The following AATK variants were observed in gnomAD, a reference collection of about 807,000 sequenced individuals.
AATK encodes lemur tail kinase 1.
In AATK, 91 loss-of-function variants were observed where a neutral mutation model predicts 114.3. The observed-to-expected ratio is 0.80, with a 90% CI of 0.67 to 0.95. The LOEUF is 0.95. AATK is among the 40% of genes least tolerant of loss of function. The pLI, the probability that AATK is intolerant of heterozygous loss-of-function variation, is 0.00. For missense variants in AATK, 2,176 were observed against 1,965.2 expected (o/e 1.11, Z -2.03); for synonymous variants, 1,075 against 916.5 (o/e 1.17, Z -3.12).
chr17:81,136,090 C>G (rs2061005386), intron 1 of AATK: 1 of 152,574 alleles, frequency 6.6e-6, no homozygotes, highest in Non-Finnish European at 1.5e-5. Context: ...GCCCCGCCCT[C>G]CAAAGCAGCC....
chr17:81,160,864 G>A (rs1047961304), intron 1 of AATK, among the ~76,000 whole-genome samples: 1 of 152,182 alleles, frequency 6.6e-6, no homozygotes, highest in Non-Finnish European at 1.5e-5. Flanking sequence ...CAGGCTCACC[G>A]CCGACACCAC....
In AATK at chr17:81,127,627, CGCACTGGGCCAG is replaced by C; in HGVS notation, c.565_576del (p.Leu189_Cys192del). 1.2e-6 allele frequency: 2 copies of C among 1,601,266 alleles called. No homozygotes were observed. Among genetic ancestry groups the C allele is most frequent in the Non-Finnish European group, 1.7e-6 (2 of 1,174,542 alleles). On this transcript the variant is annotated inframe_deletion, in exon 6 of 14. Transcript: ENST00000326724. Reference sequence around the variant, plus strand: ...ACCAGCAGGTAGGGCGTCACCTCGGCGCACTGGGCCAGGCACTGGAGCAGGTTGCTGTGCTTC... The same window carrying C: ...ACCAGCAGGTAGGGCGTCACCTCGGCGCACTGGAGCAGGTTGCTGTGCTTC...
In AATK at chr17:81,150,356, TC is replaced by T. The variant is rs1297193930; in HGVS notation, c.55+15581del. Among the ~76,000 whole-genome samples the T allele has an allele frequency of 3.8e-4, 56 of 147,400 alleles. 1 individual carries two copies. Among genetic ancestry groups the T allele is most frequent in the Middle Eastern group, 3.4e-3 (1 of 294 alleles). On this transcript the variant is annotated intron_variant, in intron 1 of 13. Coordinates refer to ENST00000326724, the MANE Select transcript of AATK (RefSeq NM_001080395.3). ...GCGCCCCACTCCCACATTCTAGTGC[TC>T]CCCCCCAATCCTAGGACTCCCCCAT...
At chr17:81,138,822 G>A (rs1016038511) in intron 1 of AATK, among the ~76,000 whole-genome samples, 2 of 138,340 alleles carry the variant, frequency 1.4e-5, no homozygotes, top group African/African-American at 5.5e-5. Flanking sequence ...GCACACCCAC[G>A]TGAGCGCACA....
rs763434510 is a variant in AATK at position 81,134,458 on chromosome 17, G to A, written c.99C>T (p.Ala33=). 3.0e-5 allele frequency: 49 copies of A among 1,613,002 alleles called. No individual in the cohort carries two copies. The highest frequency in any genetic ancestry group is 4.4e-5 in the South Asian group (4 of 91,058). Residue 33 remains alanine, a synonymous_variant, in exon 2 of 14, where the codon GCC becomes GCT. Transcript: ENST00000326724. The part of the protein sequence containing the change: ...LSELSWPSSL[A]VVAVSFSGLF... ...GCCCGGAGAAAGACACAGCCACCAC[G>A]GCGAGGGAGGATGGCCAGGACAGCT...
At chr17:81,124,207 G>A (rs1234158840) in intron 9 of AATK, among the ~76,000 whole-genome samples, 1 of 152,120 alleles carries the variant, frequency 6.6e-6, no homozygotes, top group East Asian at 1.9e-4. Context: ...AGGCAGGGAG[G>A]GGCGCCCACC....
chr17:81,138,110 GCA>G (rs1167785627), intron 1 of AATK, among the ~76,000 whole-genome samples: 20 of 143,662 alleles, frequency 1.4e-4, no homozygotes, highest in East Asian at 6.3e-4. Context: ...ACATACGTGT[GCA>G]CACAGACATA....
At position 81,166,054 on chromosome 17, in the gene AATK, CG is replaced by C; in HGVS notation, c.-63del. The C allele has an allele frequency of 8.4e-7, 1 of 1,190,332 alleles. No homozygotes were observed. Among genetic ancestry groups the C allele is most frequent in the Non-Finnish European group, 1.1e-6 (1 of 944,020 alleles). 73.7% of individuals were successfully genotyped at this position (1,190,332 alleles called of 1,614,324 possible). ...GCTGCGCTCAGGACGCCCGCGGCCCCGGCCCGAGCCGCCGCATCACCCAGCG... is the reference window on the plus strand; with the variant it reads ...GCTGCGCTCAGGACGCCCGCGGCCCCGCCCGAGCCGCCGCATCACCCAGCG... On this transcript the variant is annotated 5_prime_UTR_variant, in exon 1 of 14. It removes the in-frame stop codon of an upstream open reading frame in the 5' UTR. Coordinates refer to ENST00000326724, the MANE Select transcript of AATK (RefSeq NM_001080395.3).
intron 1 of AATK, among the ~76,000 whole-genome samples, chr17:81,154,131 G>A (rs761897449): frequency 2.0e-5 from 3 of 151,994 alleles, no homozygotes; most frequent in Admixed American, 6.6e-5. Context: ...GAATGTGAGC[G>A]TCTTCTCCAA....
In AATK at chr17:81,118,177, T is replaced by C. The variant is rs2146266466; in HGVS notation, c.*225A>G. On this transcript the variant is annotated 3_prime_UTR_variant, in exon 14 of 14. Transcript: ENST00000326724. ...CGCCCCCAGGGGCTAGCAGCAAGCCTAAAAGCCCAGACGAATTCTGCCTCT... is the reference window on the plus strand; with the variant it reads ...CGCCCCCAGGGGCTAGCAGCAAGCCCAAAAGCCCAGACGAATTCTGCCTCT... The C allele has an allele frequency of 1.8e-6, 1 of 566,396 alleles. No individual in the cohort carries two copies. The highest frequency in any genetic ancestry group is 2.9e-5 in the East Asian group (1 of 34,010). The allele number at this position is 566,396 out of a possible 1,614,324, so 35.1% of individuals were successfully genotyped here.
intron 12 of AATK, 102 bp downstream of exon 12, chr17:81,119,834 G>A: frequency 7.3e-7 from 1 of 1,363,640 alleles, no homozygotes; most frequent in South Asian, 1.6e-5. Context: ...CAAGGACCAG[G>A]TGCTCCTCCC....
At chr17:81,148,738 A>G (rs1442619597) in intron 1 of AATK, among the ~76,000 whole-genome samples, 3 of 152,158 alleles carry the variant, frequency 2.0e-5, no homozygotes, top group Non-Finnish European at 4.4e-5. Flanking sequence ...GCTCTCAGAC[A>G]CATGCACACA....
rs750951008 is a variant in AATK, at chr17:81,120,164, C to G, written c.3735+37G>C. 5 of 1,534,066 alleles carry G rather than the reference C, an allele frequency of 3.3e-6. No individual in the cohort carries two copies. In the Admixed American group the frequency reaches 1.0e-4, roughly 31 times the overall value. On this transcript the variant is annotated intron_variant, in intron 11 of 13. Coordinates refer to ENST00000326724, the MANE Select transcript of AATK (RefSeq NM_001080395.3). ...CACCCCTTCCTGCGGGAGCGCGACC[C>G]CCAGCCCCGGGCAGACCCCGGGTGG...
Position 81,122,119 on chromosome 17 carries a change from G to A in AATK, c.1817C>T (p.Pro606Leu). The part of the protein sequence containing the change: ...RRSLARDPLC[P>L]SRSPSPSAGP... The stretch of plus-strand genomic sequence containing the variant: ...CGCCGAGGGCGAGGGAGAGCGTGAG[G>A]GGCAGAGCGGGTCCCGCGCCAAGCT... Residue 606 changes from proline to leucine, a missense_variant, in exon 11 of 14, where the codon CCC becomes CTC. Transcript: ENST00000326724. 2 of 1,550,224 alleles carry A rather than the reference G, an allele frequency of 1.3e-6. No individual in the cohort carries two copies. Among genetic ancestry groups the A allele is most frequent in the South Asian group, 1.2e-5 (1 of 86,186 alleles).
chr17:81,120,127 C>T (rs751219940), intron 11 of AATK, 44 bp from the exon 12 acceptor site: 1 of 1,478,494 alleles, frequency 6.8e-7, no homozygotes, highest in Non-Finnish European at 9.0e-7. Context: ...CGCCAGGAGC[C>T]GCGGCCGCTC....
chr17:81,120,845 C>A lies in AATK; in HGVS notation c.3091G>T (p.Gly1031Trp). Residue 1031 changes from glycine to tryptophan, a missense_variant, in exon 11 of 14, where the codon GGG (glycine) becomes TGG (tryptophan). By Grantham distance (184) the Gly-to-Trp change is radical. Coordinates refer to ENST00000326724, the MANE Select transcript of AATK (RefSeq NM_001080395.3). Reference protein sequence around the residue: ...PGPELGLPSTGQPSEQVCLRP... With the variant: ...PGPELGLPSTWQPSEQVCLRP... ...AGACAGACCTGCTCAGACGGCTGCCCAGTGCTCGGCAGGCCCAGCTCTGGC... is the reference window on the plus strand; with the variant it reads ...AGACAGACCTGCTCAGACGGCTGCCAAGTGCTCGGCAGGCCCAGCTCTGGC... The A allele has an allele frequency of 6.3e-7, 1 of 1,579,186 alleles. No homozygotes were observed. The highest frequency in any genetic ancestry group is 1.2e-5 in the South Asian group (1 of 86,746).
intron 6 of AATK, among the ~76,000 whole-genome samples, chr17:81,127,216 C>T (rs1464874637): frequency 3.3e-5 from 5 of 152,054 alleles, no homozygotes; most frequent in African/African-American, 1.2e-4. Context: ...GCCCAGCCCC[C>T]CATGGCAAAA....
Position 81,121,614 on chromosome 17 carries a change from G to A in AATK, c.2322C>T (p.Asp774=), listed in dbSNP as rs866925925. The A allele has an allele frequency of 5.4e-6, 8 of 1,494,372 alleles. No homozygotes were observed. Among genetic ancestry groups the A allele is most frequent in the Non-Finnish European group, 7.1e-6 (8 of 1,123,788 alleles). The allele number at this position is 1,494,372 out of a possible 1,614,324, so 92.6% of individuals were successfully genotyped here. ...CAAGCTTGGGCTCTGCCTGCGGGTG[G>A]TCACCCCCACTACTGGCTGTCTCTG... ...SWTETASSGG[D]HPQAEPKLAT... The change falls in exon 11 of 14, where the codon GAC becomes GAT. Residue 774 remains aspartate (D), a synonymous_variant. Transcript: ENST00000326724.
intron 2 of AATK, chr17:81,132,127 G>T: frequency 1.1e-6 from 1 of 893,102 alleles, no homozygotes. Flanking sequence ...CCAAAGTCCT[G>T]GGCCCAGCTG....
Sources: gnomAD v4.1 joint callset for allele counts (sites outside exome capture counted in the v4.1 genomes callset) on GRCh38, gnomAD v4.1.1 for gene constraint, MANE v1.5 for transcripts, NCBI Gene and HGNC (gene_info 2026-07-23, HGNC 2026-07-21) for gene names.